Variants in DNAAF9 observed in about 807,000 individuals in gnomAD.
DNAAF9 encodes the protein dynein axonemal assembly factor 9.
In DNAAF9, 90 loss-of-function variants were observed where a neutral mutation model predicts 167.0. The ratio of observed to expected loss-of-function variants is 0.54; its 90% confidence interval spans 0.45 to 0.64. The LOEUF (loss-of-function observed/expected upper bound fraction) is 0.64. Ranked by LOEUF, DNAAF9 falls within the 30% of genes least tolerant of loss-of-function variation. The pLI is 0.00. For synonymous variants in DNAAF9, 491 were observed against 508.8 expected (o/e 0.96, Z 0.47); for missense variants, 1,315 against 1,442.2 (o/e 0.91, Z 1.43).
intron 26 of DNAAF9, among the ~76,000 whole-genome samples, chr20:3,288,487 A>G (rs2068891562): frequency 6.6e-6 from 1 of 152,190 alleles, no homozygotes; most frequent in African/African-American, 2.4e-5. Context: ...AATAATTCAG[A>G]ATCTTTATAG....
intron 20 of DNAAF9, among the ~76,000 whole-genome samples, chr20:3,308,528 G>C (rs2069345584): frequency 6.6e-6 from 1 of 151,798 alleles, no homozygotes; most frequent in Admixed American, 6.6e-5. Flanking sequence ...ATTTTTAGTA[G>C]AGATGGGGTT....
intron 21 of DNAAF9, among the ~76,000 whole-genome samples, chr20:3,298,522 G>C (rs1471208571): frequency 6.6e-6 from 1 of 152,032 alleles, no homozygotes; most frequent in Non-Finnish European, 1.5e-5. Flanking sequence ...GGCTCTCTCT[G>C]TTGCCCAGGC....
chr20:3,325,426 G>C (rs1306391656), intron 13 of DNAAF9, among the ~76,000 whole-genome samples: 1 of 152,212 alleles, frequency 6.6e-6, no homozygotes, highest in Non-Finnish European at 1.5e-5. Flanking sequence ...TGATATTGAA[G>C]GACACCCCAC....
rs548680751 is a variant in DNAAF9, at chr20:3,293,951, C to T, written c.2238+188G>A. Among the ~76,000 whole-genome samples the T allele has an allele frequency of 4.6e-5, 7 of 152,020 alleles. 1 individual carries two copies. The East Asian group carries it at 1.4e-3, about 29-fold the overall frequency. ...GAGGCTTGGCTGGGGTTAATGTAGA[C>T]ACCTGACACAGTCATTGTATACAGC... On this transcript the variant is annotated intron_variant, in intron 25 of 36. Coordinates refer to ENST00000252032, the MANE Select transcript of DNAAF9 (RefSeq NM_001009984.3).
chr20:3,250,267 C>A lies in DNAAF9; in HGVS notation c.*2305G>T, dbSNP rs41281874. ...CCTGGAGGAATCAAGTGGATACTGA[C>A]CTTCACAGAACAGAGAGGCCTGGCA... On this transcript the variant is annotated 3_prime_UTR_variant, in exon 37 of 37. Transcript: ENST00000252032. The A allele has an allele frequency of 0.053, 8,090 of 152,350 alleles. 356 individuals carry two copies. The highest frequency in any genetic ancestry group is 0.13 in the African/African-American group (5,206 of 41,520). 9.4% of individuals were successfully genotyped at this position (152,350 alleles called of 1,614,324 possible).
intron 30 of DNAAF9, among the ~76,000 whole-genome samples, chr20:3,269,190 A>AGCCACTGC (rs1352981009): frequency 6.7e-6 from 1 of 149,486 alleles, no homozygotes; most frequent in Non-Finnish European, 1.5e-5. Flanking sequence ...TACAGGCGTG[A>AGCCACTGC]GCCACTGCAC....
intron 8 of DNAAF9, among the ~76,000 whole-genome samples, chr20:3,344,865 G>GA (rs965655621): frequency 5.9e-5 from 9 of 152,060 alleles, no homozygotes; most frequent in African/African-American, 2.2e-4. Flanking sequence ...GTTGAAAAAT[G>GA]AAAAATGGGA....
At chr20:3,310,687 GAA>G (rs111936667) in intron 20 of DNAAF9, among the ~76,000 whole-genome samples, 1 of 132,350 alleles carries the variant, frequency 7.6e-6, no homozygotes, top group Non-Finnish European at 1.7e-5. Context: ...TTAGTCTCAA[GAA>G]AAAAAAAAAA....
intron 6 of DNAAF9, among the ~76,000 whole-genome samples, chr20:3,363,904 T>G (rs559335879): frequency 6.6e-6 from 1 of 152,172 alleles, no homozygotes; most frequent in Non-Finnish European, 1.5e-5. Flanking sequence ...AATTATTGCA[T>G]TCATTATTAT....
At chr20:3,358,779 A>G (rs6051786) in intron 7 of DNAAF9, among the ~76,000 whole-genome samples, 152,255 of 152,312 alleles carry the variant, frequency 1, 76,099 homozygotes, top group Middle Eastern at 1. Flanking sequence ...ATTGTTCCTC[A>G]CTAATTGTAC....
At chr20:3,281,789 G>A (rs1195642974) in intron 27 of DNAAF9, 23 bp from the exon 28 acceptor site, 1 of 1,600,194 alleles carries the variant, frequency 6.2e-7, no homozygotes, top group South Asian at 1.1e-5. Flanking sequence ...AAAAAGGAAT[G>A]ATTAGTTCAC....
intron 20 of DNAAF9, among the ~76,000 whole-genome samples, chr20:3,309,472 A>AT (rs2069363390): frequency 6.6e-6 from 1 of 152,190 alleles, no homozygotes; most frequent in Non-Finnish European, 1.5e-5. Flanking sequence ...AAATAAGACA[A>AT]TGTGTTATTT....
rs775679641 is a variant in DNAAF9, at chr20:3,318,400, C to T, written c.1357G>A (p.Ala453Thr). The change falls in exon 17 of 37, where the codon GCT (alanine) becomes ACT (threonine). Residue 453 changes from alanine (A) to threonine (T), a missense_variant and splice_region_variant. This residue lies in a region of DNAAF9 where 981 missense variants were observed against 1,012.5 expected (regional missense o/e 0.97). Transcript: ENST00000252032. The stretch of plus-strand genomic sequence containing the variant: ...GGAATGTCATAGACGGCCATACAAG[C>T]CTGCATTGAATGAGAAACCAGTTAG... Reference protein sequence around the residue: ...SEDSLSFVKTACMAVYDIPDL... With the variant: ...SEDSLSFVKTTCMAVYDIPDL... 2.0e-6 allele frequency: 3 copies of T among 1,523,730 alleles called. No individual in the cohort carries two copies. The highest frequency in any genetic ancestry group is 2.7e-6 in the Non-Finnish European group (3 of 1,098,830). 94.4% of individuals were successfully genotyped at this position (1,523,730 alleles called of 1,614,324 possible).
At chr20:3,313,727 G>A (rs2069453512) in intron 20 of DNAAF9, among the ~76,000 whole-genome samples, 1 of 152,124 alleles carries the variant, frequency 6.6e-6, no homozygotes, top group Admixed American at 6.5e-5. Flanking sequence ...GGAGACTGTT[G>A]GACCCTCAAA....
At chr20:3,343,524 G>C in intron 9 of DNAAF9, 152 bp downstream of exon 9, 3 of 623,682 alleles carry the variant, frequency 4.8e-6, no homozygotes, top group Middle Eastern at 2.6e-4. Flanking sequence ...CACATTTACA[G>C]AGTACAGATT....
intron 20 of DNAAF9, among the ~76,000 whole-genome samples, chr20:3,313,913 G>A (rs1374582957): frequency 6.6e-6 from 1 of 152,190 alleles, no homozygotes. Flanking sequence ...GCAGAGCTGA[G>A]AGCCAGAATT....
rs543735627 is a variant in DNAAF9, at chr20:3,289,369, A to C, written c.2327+760T>G. Among the ~76,000 whole-genome samples the C allele has an allele frequency of 4.9e-4, 74 of 152,252 alleles. No homozygotes were observed. In the South Asian group the frequency reaches 0.015, roughly 30 times the overall value. Reference sequence around the variant, plus strand: ...TCAGGTGGGAGGATAATTTGAACCCAGGAGTTTGAGGTTACAGGTGAACTA... The same window carrying C: ...TCAGGTGGGAGGATAATTTGAACCCCGGAGTTTGAGGTTACAGGTGAACTA... On this transcript the variant is annotated intron_variant, in intron 26 of 36. Coordinates refer to ENST00000252032, the MANE Select transcript of DNAAF9 (RefSeq NM_001009984.3).
intron 1 of DNAAF9, among the ~76,000 whole-genome samples, chr20:3,389,735 T>C (rs1366112630): frequency 6.6e-6 from 1 of 152,142 alleles, no homozygotes; most frequent in East Asian, 1.9e-4. Flanking sequence ...CTTTAAATTT[T>C]TTTTAGAAAA....
At chr20:3,274,941 G>A (rs879116321) in intron 29 of DNAAF9, among the ~76,000 whole-genome samples, 2 of 152,230 alleles carry the variant, frequency 1.3e-5, no homozygotes, top group Admixed American at 1.3e-4. Flanking sequence ...CTGGTCCCCT[G>A]CCTCTAGTCT....
Sources: gnomAD v4.1 joint callset for allele counts (sites outside exome capture counted in the v4.1 genomes callset) on GRCh38, gnomAD v4.1.1 for gene constraint, gnomAD v4.1.1 regional missense constraint, MANE v1.5 for transcripts, NCBI Gene and HGNC (gene_info 2026-07-23, HGNC 2026-07-21) for gene names.